Variants in DLGAP1 observed in about 807,000 individuals in gnomAD.
DLGAP1 encodes disks large-associated protein 1.
Under a neutral mutation model 90.8 loss-of-function variants are expected in DLGAP1, and 11 were observed. The observed-to-expected ratio is 0.12, with a 90% CI of 0.08 to 0.20. The LOEUF is 0.20. Among genes scored for constraint, DLGAP1 ranks in the 10% least tolerant of loss-of-function variants. The pLI is 1.00. For missense variants in DLGAP1, 1,050 were observed against 1,333.8 expected, an observed-to-expected ratio of 0.79 and a Z score of 3.31; for synonymous variants, 558 against 540.7, an observed-to-expected ratio of 1.03 and a Z score of -0.44.
intron 4 of DLGAP1, among the ~76,000 whole-genome samples, chr18:3,866,861 T>C (rs12960884): frequency 0.4 from 60,118 of 152,100 alleles, 14,542 homozygotes; most frequent in Non-Finnish European, 0.53. Context: ...TATTTATATA[T>C]ATTTTTTGAG....
chr18:4,062,955 G>T (rs981987505), intron 2 of DLGAP1, among the ~76,000 whole-genome samples: 12 of 152,042 alleles, frequency 7.9e-5, no homozygotes, highest in African/African-American at 2.7e-4. Flanking sequence ...CAATATTAAA[G>T]ATTTCATTGC....
intron 3 of DLGAP1, among the ~76,000 whole-genome samples, chr18:3,934,739 G>A (rs1283853108): frequency 1.3e-5 from 2 of 152,202 alleles, no homozygotes; most frequent in Admixed American, 6.5e-5. Flanking sequence ...ACTGACCAAC[G>A]AGGCATAGCC....
At chr18:4,405,965 G>T (rs954377191) in intron 1 of DLGAP1, among the ~76,000 whole-genome samples, 2 of 152,186 alleles carry the variant, frequency 1.3e-5, no homozygotes, top group African/African-American at 4.8e-5. Flanking sequence ...CAATGTGGGC[G>T]CAGGCTCAGC....
intron 10 of DLGAP1, among the ~76,000 whole-genome samples, chr18:3,514,067 C>T (rs2050690322): frequency 6.6e-6 from 1 of 151,472 alleles, no homozygotes; most frequent in Admixed American, 6.6e-5. Flanking sequence ...AGTTAGGTCT[C>T]TAGAACTAAA....
chr18:3,885,603 T>C (rs996913283), intron 3 of DLGAP1, among the ~76,000 whole-genome samples: 1 of 152,260 alleles, frequency 6.6e-6, no homozygotes, highest in African/African-American at 2.4e-5. Context: ...CCTTGTTCTT[T>C]GAGCAAGGAT....
intron 2 of DLGAP1, among the ~76,000 whole-genome samples, chr18:4,098,709 T>C (rs746696615): frequency 1.1e-4 from 17 of 152,130 alleles, no homozygotes; most frequent in Non-Finnish European, 1.9e-4. Context: ...AAGGACAAAA[T>C]AAAATGCAAT....
chr18:3,509,230 A>G (rs2050402501), intron 10 of DLGAP1, among the ~76,000 whole-genome samples: 1 of 152,134 alleles, frequency 6.6e-6, no homozygotes, highest in Admixed American at 6.5e-5. Flanking sequence ...GTGGCTGATT[A>G]AAATATTTTC....
intron 1 of DLGAP1, among the ~76,000 whole-genome samples, chr18:4,425,510 T>C (rs962896264): frequency 6.6e-6 from 1 of 152,202 alleles, no homozygotes; most frequent in Non-Finnish European, 1.5e-5. Context: ...GACACTTCCA[T>C]ATCTGCCTAA....
chr18:3,573,112 T>C (rs1159099447), intron 8 of DLGAP1, among the ~76,000 whole-genome samples: 2 of 152,200 alleles, frequency 1.3e-5, no homozygotes, highest in Non-Finnish European at 2.9e-5. Flanking sequence ...GTAAGAATTT[T>C]TACATGTATT....
intron 7 of DLGAP1, among the ~76,000 whole-genome samples, chr18:3,684,730 G>C (rs1271822403): frequency 1.3e-5 from 2 of 151,986 alleles, no homozygotes; most frequent in Non-Finnish European, 2.9e-5. Flanking sequence ...GGGAGGGAGG[G>C]TCTTTCTCTA....
chr18:4,224,642 A>G (rs1203287272), intron 1 of DLGAP1, among the ~76,000 whole-genome samples: 1 of 151,698 alleles, frequency 6.6e-6, no homozygotes, highest in Non-Finnish European at 1.5e-5. Context: ...AAGAGTGGGA[A>G]GAACTGTCTT....
At chr18:3,932,925 G>GGACC (rs1490790857) in intron 3 of DLGAP1, among the ~76,000 whole-genome samples, 1 of 152,162 alleles carries the variant, frequency 6.6e-6, no homozygotes, top group East Asian at 1.9e-4. Context: ...TCCTACTGAA[G>GGACC]GACCACCCAA....
intron 5 of DLGAP1, among the ~76,000 whole-genome samples, chr18:3,769,139 G>C (rs2064395005): frequency 6.6e-6 from 1 of 152,102 alleles, no homozygotes; most frequent in Non-Finnish European, 1.5e-5. Context: ...ATAAACCCAG[G>C]AGAAGAGTTC....
At chr18:3,822,143 C>T (rs1424173074) in intron 4 of DLGAP1, 1 of 320,492 alleles carries the variant, frequency 3.1e-6, no homozygotes, top group African/African-American at 2.3e-5. Context: ...CCCTTTCTTA[C>T]TCCCCTGGAA....
At chr18:3,989,706 A>G (rs2073921796) in intron 3 of DLGAP1, among the ~76,000 whole-genome samples, 2 of 152,178 alleles carry the variant, frequency 1.3e-5, no homozygotes, top group Non-Finnish European at 2.9e-5. Context: ...AACCTACAGA[A>G]TGGGAGAAAA....
chr18:3,691,056 T>C (rs537270531), intron 7 of DLGAP1, among the ~76,000 whole-genome samples: 53 of 152,352 alleles, frequency 3.5e-4, no homozygotes, highest in Admixed American at 2.2e-3. Context: ...ATAAAGACCA[T>C]TCCTGACAAA....
At chr18:3,533,689 C>T (rs2052157894) in intron 10 of DLGAP1, among the ~76,000 whole-genome samples, 1 of 152,156 alleles carries the variant, frequency 6.6e-6, no homozygotes, top group Admixed American at 6.5e-5. Flanking sequence ...ATCCTTCCAC[C>T]TCAGTCTCTC....
chr18:4,376,964 A>C (rs1346444441), intron 1 of DLGAP1, among the ~76,000 whole-genome samples: 1 of 152,176 alleles, frequency 6.6e-6, no homozygotes, highest in African/African-American at 2.4e-5. Flanking sequence ...TGGTGTGAGT[A>C]TAACTTTGGC....
At chr18:3,791,403 A>T (rs532496858) in intron 5 of DLGAP1, among the ~76,000 whole-genome samples, 1 of 152,336 alleles carries the variant, frequency 6.6e-6, no homozygotes, top group Non-Finnish European at 1.5e-5. Context: ...CAGAAAGCTC[A>T]AAGTGGCTTA....
Sources: gnomAD v4.1 joint callset for allele counts (sites outside exome capture counted in the v4.1 genomes callset) on GRCh38, gnomAD v4.1.1 for gene constraint, MANE v1.5 for transcripts, NCBI Gene and HGNC (gene_info 2026-07-23, HGNC 2026-07-21) for gene names.